Variants in ZFHX3 observed in about 807,000 individuals in gnomAD.
ZFHX3 encodes zinc finger homeobox 3.
In ZFHX3, 42 loss-of-function variants were observed where a neutral mutation model predicts 279.1. The ratio of observed to expected loss-of-function variants is 0.15; its 90% CI spans 0.12 to 0.19. The LOEUF (loss-of-function observed/expected upper bound fraction) is 0.19, where lower values mean the gene tolerates loss of function less well. ZFHX3 is among the 10% of genes least tolerant of loss of function. The pLI is 1.00. For synonymous variants in ZFHX3, 2,293 were observed against 1,957.8 expected, an observed-to-expected ratio of 1.17 and a Z score of -4.52; for missense variants, 4,981 against 4,754.0, an observed-to-expected ratio of 1.05 and a Z score of -1.40.
At chr16:72,886,259 G>A (rs2038618681) in intron 4 of ZFHX3, among the ~76,000 whole-genome samples, 2 of 152,148 alleles carry the variant, frequency 1.3e-5, no homozygotes. Context: ...GTGTGGGAGG[G>A]GAGGAGTATG....
At chr16:73,190,416 C>T (rs1038541410) in intron 5 of ZFHX3, among the ~76,000 whole-genome samples, 1 of 152,168 alleles carries the variant, frequency 6.6e-6, no homozygotes, top group Non-Finnish European at 1.5e-5. Flanking sequence ...TCTTTGAGCT[C>T]ACACATAGAT....
At chr16:73,874,037 C>T (rs1477159898) in intron 1 of ZFHX3, among the ~76,000 whole-genome samples, 1 of 152,030 alleles carries the variant, frequency 6.6e-6, no homozygotes, top group Non-Finnish European at 1.5e-5. Flanking sequence ...TCTTCAATAT[C>T]TCAGGATTAG....
At chr16:73,016,280 T>C (rs1381927884) in intron 1 of ZFHX3, among the ~76,000 whole-genome samples, 1 of 152,212 alleles carries the variant, frequency 6.6e-6, no homozygotes, top group Non-Finnish European at 1.5e-5. Flanking sequence ...GAATTGTGTT[T>C]TGGTTTTTAA....
intron 5 of ZFHX3, among the ~76,000 whole-genome samples, chr16:73,221,278 A>T (rs1432099604): frequency 2.0e-5 from 3 of 152,196 alleles, no homozygotes; most frequent in Non-Finnish European, 4.4e-5. Context: ...AAAAAAATAC[A>T]AAGAAAAGTC....
intron 1 of ZFHX3, among the ~76,000 whole-genome samples, chr16:73,011,661 C>G (rs902361973): frequency 1.3e-5 from 2 of 151,686 alleles, no homozygotes; most frequent in Non-Finnish European, 2.9e-5. Flanking sequence ...AGGCAGAGGT[C>G]GCAGTGCATG....
chr16:73,767,085 A>G (rs4888743), intron 1 of ZFHX3, among the ~76,000 whole-genome samples: 42,703 of 151,726 alleles, frequency 0.28, 6,198 homozygotes, highest in African/African-American at 0.31. Context: ...ACAGGTGCCC[A>G]TCACCACGCC....
intron 1 of ZFHX3, among the ~76,000 whole-genome samples, chr16:72,966,878 T>C (rs552400294): frequency 3.4e-4 from 52 of 152,292 alleles, no homozygotes; most frequent in Admixed American, 2.2e-3. Context: ...AGTTCCCAAA[T>C]GGAATGTTTA....
chr16:73,340,536 G>C (rs118167724), intron 3 of ZFHX3, among the ~76,000 whole-genome samples: 1 of 152,084 alleles, frequency 6.6e-6, no homozygotes, highest in Non-Finnish European at 1.5e-5. Flanking sequence ...TGGTTTTTTT[G>C]TGTGTGTGTT....
intron 4 of ZFHX3, among the ~76,000 whole-genome samples, chr16:73,285,091 C>T: frequency 6.6e-6 from 1 of 152,306 alleles, no homozygotes; most frequent in Admixed American, 6.5e-5. Flanking sequence ...TAAAAGAATT[C>T]TTCTTTACAA....
intron 3 of ZFHX3, among the ~76,000 whole-genome samples, chr16:73,389,626 A>C (rs1294341793): frequency 2.6e-5 from 4 of 152,222 alleles, no homozygotes; most frequent in Admixed American, 2.6e-4. Flanking sequence ...ACAGCTGCTC[A>C]CAGGGAAGCT....
intron 2 of ZFHX3, among the ~76,000 whole-genome samples, chr16:73,593,319 GA>G (rs1023800887): frequency 2.0e-5 from 3 of 150,702 alleles, no homozygotes; most frequent in African/African-American, 7.3e-5. Context: ...TACATTATGA[GA>G]AAAAAAAATT....
chr16:73,776,018 T>A (rs1327380157), intron 1 of ZFHX3, among the ~76,000 whole-genome samples: 1 of 152,240 alleles, frequency 6.6e-6, no homozygotes, highest in Non-Finnish European at 1.5e-5. Context: ...CTTTTGTGTC[T>A]GGCTCTTAAA....
rs2011770326 is a variant in ZFHX3, at chr16:73,205,672, TA to T, written c.-1104+51374del. Among the ~76,000 whole-genome samples, 3 of 152,182 alleles carry T rather than the reference TA, an allele frequency of 2.0e-5. 1 individual carries two copies. The South Asian group carries it at 6.2e-4, about 32-fold the overall frequency. ...TGTGTGCGTGAATGAAGCAGCTTTGTAACATGGTGCTCATTTTGGCTTTCAA... is the reference window on the plus strand; with the variant it reads ...TGTGTGCGTGAATGAAGCAGCTTTGTACATGGTGCTCATTTTGGCTTTCAA... On this transcript the variant is annotated intron_variant, in intron 5 of 17. Transcript: ENST00000641206.
chr16:73,387,331 C>A (rs2016920796), intron 3 of ZFHX3: 1 of 151,576 alleles, frequency 6.6e-6, no homozygotes, highest in African/African-American at 2.4e-5. Context: ...AACTTCATGA[C>A]AAGATAGATT....
intron 7 of ZFHX3, among the ~76,000 whole-genome samples, chr16:73,104,039 C>A (rs980571344): frequency 6.6e-6 from 1 of 152,068 alleles, no homozygotes; most frequent in African/African-American, 2.4e-5. Flanking sequence ...GAAGAACTGG[C>A]CAAGTATCTT....
chr16:73,478,281 A>AC (rs2018799335), intron 2 of ZFHX3, among the ~76,000 whole-genome samples: 1 of 150,060 alleles, frequency 6.7e-6, no homozygotes, highest in Non-Finnish European at 1.5e-5. Context: ...AAAAAAAAAA[A>AC]AAAAGTCAGA....
chr16:73,216,142 T>A (rs1054079759), intron 5 of ZFHX3, among the ~76,000 whole-genome samples: 2 of 152,184 alleles, frequency 1.3e-5, no homozygotes, highest in African/African-American at 4.8e-5. Context: ...AAATGCTTAC[T>A]GTTTTAAGAT....
Position 73,619,500 on chromosome 16 carries a change from T to TATATATATATATATATATA in ZFHX3, c.-1547+60679_-1547+60680insTATATATATATATATATAT, listed in dbSNP as rs34326004. The stretch of plus-strand genomic sequence containing the variant: ...GATACTGTGTCTCAAAAAAAAAAAA[T>TATATATATATATATATATA]TATATATATATATATATATGTCTGT... On this transcript the variant is annotated intron_variant, in intron 2 of 17. Coordinates refer to the ZFHX3 transcript ENST00000641206. 7.6e-4 allele frequency among the ~76,000 whole-genome samples: 100 copies of TATATATATATATATATATA among 131,664 alleles called. 1 individual carries two copies. Among genetic ancestry groups the TATATATATATATATATATA allele is most frequent in the African/African-American group, 2.8e-3 (93 of 33,238 alleles). 86.4% of individuals were successfully genotyped at this position (131,664 alleles called of 152,430 possible). A position where few individuals can be genotyped will look rare whatever the true frequency, so the allele number is the denominator to read the frequency against.
At chr16:72,940,595 G>T (rs1960365579) in intron 3 of ZFHX3, among the ~76,000 whole-genome samples, 2 of 152,230 alleles carry the variant, frequency 1.3e-5, no homozygotes, top group African/African-American at 4.8e-5. Flanking sequence ...CATCCTCCAG[G>T]AAGAGCATAC....
Sources: allele counts gnomAD v4.1 joint callset (sites outside exome capture counted in the v4.1 genomes callset), GRCh38; gene constraint gnomAD v4.1.1; transcripts MANE v1.5; gene names NCBI Gene and HGNC (gene_info 2026-07-23, HGNC 2026-07-21).